The following MYO5A variants were observed in gnomAD, a reference collection of about 807,000 sequenced individuals.
MYO5A encodes unconventional myosin-Va.
A neutral mutation model predicts 249.7 loss-of-function variants in MYO5A; 98 were observed. That is an observed-to-expected ratio of 0.39 (90% CI 0.33 to 0.46). The LOEUF is 0.46. Among genes scored for constraint, MYO5A ranks in the 20% least tolerant of loss-of-function variants. The pLI is 0.98. For synonymous variants in MYO5A, 778 were observed against 810.6 expected (o/e 0.96, Z 0.68); for missense variants, 1,696 against 2,308.8 (o/e 0.73, Z 5.44).
At chr15:52,369,459 TA>T (rs2040987277) in intron 22 of MYO5A, among the ~76,000 whole-genome samples, 1 of 152,248 alleles carries the variant, frequency 6.6e-6, no homozygotes, top group African/African-American at 2.4e-5. Context: ...CTTCTATACT[TA>T]ATAAAGTTTT....
chr15:52,497,945 CAA>C (rs2077075522), intron 1 of MYO5A, among the ~76,000 whole-genome samples: 1 of 151,376 alleles, frequency 6.6e-6, no homozygotes, highest in African/African-American at 2.4e-5. Context: ...GGAATATAGC[CAA>C]AGTGTTGCTT....
At chr15:52,433,147 A>G (rs1464467139) in intron 2 of MYO5A, 28 bp downstream of exon 2, 2 of 1,475,668 alleles carry the variant, frequency 1.4e-6, no homozygotes, top group Non-Finnish European at 1.9e-6. Flanking sequence ...CTTTATGCCA[A>G]TGACAACAAA....
chr15:52,445,306 T>C (rs527450889), intron 1 of MYO5A, among the ~76,000 whole-genome samples: 3 of 152,332 alleles, frequency 2.0e-5, no homozygotes, highest in South Asian at 2.1e-4. Context: ...GTGATGTGTC[T>C]GCTCCTGCCT....
chr15:52,497,614 G>C (rs530808222), intron 1 of MYO5A, among the ~76,000 whole-genome samples: 67 of 150,858 alleles, frequency 4.4e-4, no homozygotes, highest in Middle Eastern at 3.4e-3. Context: ...AAAATTAGCC[G>C]GGCGTGGCAG....
chr15:52,433,132 C>A, intron 2 of MYO5A, 43 bp downstream of exon 2: 1 of 1,388,570 alleles, frequency 7.2e-7, no homozygotes, highest in South Asian at 1.2e-5. Context: ...TTTGAACTCC[C>A]TTCACTTTAT....
intron 4 of MYO5A, among the ~76,000 whole-genome samples, chr15:52,423,014 T>C (rs563343802): frequency 1.1e-4 from 16 of 152,174 alleles, no homozygotes; most frequent in Non-Finnish European, 2.2e-4. Context: ...TGCGCCACCA[T>C]GCCCAGCTAA....
Position 52,338,657 on chromosome 15 carries a change from T to A in MYO5A, c.4240-773A>T, listed in dbSNP as rs148741132. On this transcript the variant is annotated intron_variant, in intron 32 of 41. Coordinates refer to ENST00000399233, the MANE Select transcript of MYO5A (RefSeq NM_001382347.1). ...GAGAAGCAGCTGACCTACAAAAGGT[T>A]TTCCCCAAACTCAAATTCATTAACT... Among the ~76,000 whole-genome samples the A allele has an allele frequency of 1.5e-3, 229 of 152,322 alleles. 2 individuals carry two copies. The highest frequency in any genetic ancestry group is 1.3e-3 in the Non-Finnish European group (86 of 68,034).
chr15:52,353,501 C>G, intron 27 of MYO5A, 104 bp downstream of exon 27: 1 of 951,940 alleles, frequency 1.1e-6, no homozygotes, highest in Non-Finnish European at 1.7e-6. Flanking sequence ...ACCTCTGGTG[C>G]AATCTCCAAC....
chr15:52,421,293 A>C (rs183885999), intron 4 of MYO5A, among the ~76,000 whole-genome samples: 1 of 152,130 alleles, frequency 6.6e-6, no homozygotes, highest in Admixed American at 6.5e-5. Flanking sequence ...GGGCCACCCT[A>C]AGGAAGGGCC....
rs538301749 is a variant in MYO5A, at chr15:52,380,130, T to C, written c.2013-222A>G. Reference sequence around the variant, plus strand: ...AAGAGCTGTAAACATTACCTGCAACTCAAACCACAAACTCATAAGAGTGTG... The same window carrying C: ...AAGAGCTGTAAACATTACCTGCAACCCAAACCACAAACTCATAAGAGTGTG... On this transcript the variant is annotated intron_variant, in intron 16 of 41. Transcript: ENST00000399233. Among the ~76,000 whole-genome samples the C allele has an allele frequency of 3.9e-4, 59 of 152,244 alleles. No individual in the cohort carries two copies. In the South Asian group the frequency reaches 0.011, roughly 29 times the overall value.
chr15:52,457,162 CTT>C (rs2076134896), intron 1 of MYO5A, among the ~76,000 whole-genome samples: 1 of 152,076 alleles, frequency 6.6e-6, no homozygotes, highest in Admixed American at 6.5e-5. Flanking sequence ...GGCAAAGGGG[CTT>C]GGTGTGGTGG....
intron 34 of MYO5A, among the ~76,000 whole-genome samples, chr15:52,333,078 C>T (rs2038963379): frequency 6.6e-6 from 1 of 152,190 alleles, no homozygotes; most frequent in Non-Finnish European, 1.5e-5. Context: ...AGGCACCTGC[C>T]ATCTCGGAAG....
At chr15:52,377,929 T>C (rs1270811762) in intron 18 of MYO5A, among the ~76,000 whole-genome samples, 4 of 152,168 alleles carry the variant, frequency 2.6e-5, no homozygotes, top group Non-Finnish European at 4.4e-5. Flanking sequence ...TGAGTAGATA[T>C]CTCATATTAT....
Position 52,487,567 on chromosome 15 carries a change from T to C in MYO5A, c.27+41213A>G, listed in dbSNP as rs1267865126. Among the ~76,000 whole-genome samples, 3 of 151,566 alleles carry C rather than the reference T, an allele frequency of 2.0e-5. No homozygotes were observed. The East Asian group carries it at 5.8e-4, about 29-fold the overall frequency. ...GGTGAAACCCCGTCTCTGCTAAAAA[T>C]ATAAAAATTAGCCGAGCATGGTGAC... On this transcript the variant is annotated intron_variant, in intron 1 of 41. Coordinates refer to ENST00000399233, the MANE Select transcript of MYO5A (RefSeq NM_001382347.1).
chr15:52,405,053 A>T (rs61532452), intron 9 of MYO5A, among the ~76,000 whole-genome samples: 627 of 14,616 alleles, frequency 0.043, 1 homozygote, highest in African/African-American at 0.083. Flanking sequence ...TCTCTCTGTC[A>T]CACACACACA....
At chr15:52,439,268 ACT>A (rs1157695031) in intron 1 of MYO5A, among the ~76,000 whole-genome samples, 5 of 152,148 alleles carry the variant, frequency 3.3e-5, no homozygotes, top group Non-Finnish European at 7.3e-5. Context: ...ACCCGGTAAC[ACT>A]GTCATGTAGC....
Position 52,384,309 on chromosome 15 carries a change from G to A in MYO5A, c.1766C>T (p.Pro589Leu). 1.2e-6 allele frequency: 2 copies of A among 1,614,042 alleles called. No homozygotes were observed. Among genetic ancestry groups the A allele is most frequent in the East Asian group, 2.2e-5 (1 of 44,872 alleles). The change falls in exon 15 of 42, where the codon CCA (proline) becomes CTA (leucine). Residue 589 changes from proline to leucine, a missense_variant. Physicochemically the swap from Pro to Leu is moderately conservative, Grantham distance 98. This residue lies in a region of MYO5A where 277 missense variants were observed against 422.4 expected (regional missense o/e 0.66). Transcript: ENST00000399233. Reference protein sequence around the residue: ...VLKSSKFKMLPELFQDDEKAI... With the variant: ...VLKSSKFKMLLELFQDDEKAI... ...CTTCTCATCATCTTGAAATAGTTCT[G>A]GTAGCATCTTAAACTAAGTCAGAAA...
rs548049812 is a variant in MYO5A at position 52,506,839 on chromosome 15, T to TA, written c.27+21940dup. Among the ~76,000 whole-genome samples, 124 of 152,018 alleles carry TA rather than the reference T, an allele frequency of 8.2e-4. No homozygotes were observed. The Middle Eastern group carries it at 0.02, about 25-fold the overall frequency. The stretch of plus-strand genomic sequence containing the variant: ...TATAGAATGAAACGCTGTCTCAAAA[T>TA]AAAAAAAAGAATTCAGATTCTGTCT... On this transcript the variant is annotated intron_variant, in intron 1 of 41. Transcript: ENST00000399233.
chr15:52,348,833 A>C lies in MYO5A; in HGVS notation c.3850-7T>G. The C allele has an allele frequency of 6.2e-7, 1 of 1,601,960 alleles. No individual in the cohort carries two copies. Among genetic ancestry groups the C allele is most frequent in the Non-Finnish European group, 8.5e-7 (1 of 1,173,880 alleles). On this transcript the variant is annotated splice_region_variant and splice_polypyrimidine_tract_variant and intron_variant, in intron 28 of 41. Coordinates refer to ENST00000399233, the MANE Select transcript of MYO5A (RefSeq NM_001382347.1). ...GTATAATTACCTTGTCATCCTGAGA[A>C]TCACAAGTCAGCAAGCACAAAAAAC...
Sources: gnomAD v4.1 joint callset for allele counts (sites outside exome capture counted in the v4.1 genomes callset) on GRCh38, gnomAD v4.1.1 for gene constraint, gnomAD v4.1.1 regional missense constraint, MANE v1.5 for transcripts, NCBI Gene and HGNC (gene_info 2026-07-23, HGNC 2026-07-21) for gene names.